Variants in SHB observed in about 807,000 individuals in gnomAD.
SHB encodes SH2 domain-containing adapter protein B.
Under a neutral mutation model 52.3 loss-of-function variants are expected in SHB, and 20 were observed. The observed-to-expected ratio is 0.38, with a 90% CI of 0.27 to 0.56. SHB has a LOEUF of 0.56. Among genes scored for constraint, SHB ranks in the 20% least tolerant of loss-of-function variants. SHB has a pLI of 0.71. For missense variants in SHB, 825 were observed against 723.3 expected, an observed-to-expected ratio of 1.14 and a Z score of -1.61; for synonymous variants, 397 against 316.5, an observed-to-expected ratio of 1.25 and a Z score of -2.70.
At chr9:37,928,979 C>T (rs1832282032) in intron 5 of SHB, among the ~76,000 whole-genome samples, 1 of 152,214 alleles carries the variant, frequency 6.6e-6, no homozygotes, top group Admixed American at 6.5e-5. Context: ...ACTTGGAGCG[C>T]ACAATGGCTT....
intron 4 of SHB, among the ~76,000 whole-genome samples, chr9:37,954,342 A>T (rs1214573360): frequency 6.6e-6 from 1 of 152,200 alleles, no homozygotes; most frequent in African/African-American, 2.4e-5. Flanking sequence ...CCAAGACCAG[A>T]ATCCCCAAGA....
chr9:38,022,040 T>C (rs1564103890), intron 1 of SHB, among the ~76,000 whole-genome samples: 1 of 152,232 alleles, frequency 6.6e-6, no homozygotes, highest in Non-Finnish European at 1.5e-5. Context: ...AAACCGCATA[T>C]GAATGCACTT....
intron 5 of SHB, among the ~76,000 whole-genome samples, chr9:37,944,633 C>T (rs1262466557): frequency 6.6e-6 from 1 of 152,178 alleles, no homozygotes; most frequent in Non-Finnish European, 1.5e-5. Flanking sequence ...AAATGCCTCG[C>T]AGGACCTTGG....
chr9:38,003,743 C>T (rs1258251890), intron 2 of SHB, among the ~76,000 whole-genome samples: 2 of 152,232 alleles, frequency 1.3e-5, no homozygotes, highest in East Asian at 1.9e-4. Context: ...CTGGAGCAGG[C>T]CACTCAGTGG....
intron 2 of SHB, among the ~76,000 whole-genome samples, chr9:38,014,378 C>T (rs1564101995): frequency 6.6e-6 from 1 of 152,260 alleles, no homozygotes; most frequent in African/African-American, 2.4e-5. Flanking sequence ...GGTCCTGGGG[C>T]TTCCACAGAG....
In SHB at chr9:38,041,585, G is replaced by C. The variant is rs370313732; in HGVS notation, c.718-25454C>G. 6.0e-5 allele frequency among the ~76,000 whole-genome samples: 9 copies of C among 151,058 alleles called. No homozygotes were observed. In the East Asian group the frequency reaches 1.4e-3, roughly 23 times the overall value. ...ATAAAACTTCGGTGAGTTCGGGGAA[G>C]AAAAGGGAGGTGGAGAAAACCTCAT... On this transcript the variant is annotated intron_variant, in intron 1 of 5. Coordinates refer to ENST00000377707, the MANE Select transcript of SHB (RefSeq NM_003028.3).
chr9:37,947,480 A>C (rs761564971), intron 5 of SHB, among the ~76,000 whole-genome samples: 1 of 152,198 alleles, frequency 6.6e-6, no homozygotes, highest in Non-Finnish European at 1.5e-5. Context: ...TGAGAGATGC[A>C]TGGTCCCCAC....
At chr9:37,974,029 C>T (rs776023842) in intron 3 of SHB, among the ~76,000 whole-genome samples, 4 of 152,072 alleles carry the variant, frequency 2.6e-5, no homozygotes, top group Non-Finnish European at 5.9e-5. Context: ...CCGAGGTGGG[C>T]GGATCACCTG....
At chr9:37,944,318 T>A (rs1832468378) in intron 5 of SHB, among the ~76,000 whole-genome samples, 1 of 152,018 alleles carries the variant, frequency 6.6e-6, no homozygotes. Context: ...ACCTGTCTGG[T>A]CACCACAGTG....
intron 2 of SHB, among the ~76,000 whole-genome samples, chr9:37,990,901 T>C (rs1446611642): frequency 6.6e-6 from 1 of 152,214 alleles, no homozygotes; most frequent in Non-Finnish European, 1.5e-5. Flanking sequence ...TGTAGAAAAC[T>C]GTGTTTGTAG....
rs368520143 is a variant in SHB, at chr9:37,919,785, C to G, written c.*36G>C. On this transcript the variant is annotated 3_prime_UTR_variant, in exon 6 of 6. Coordinates refer to ENST00000377707, the MANE Select transcript of SHB (RefSeq NM_003028.3). Reference sequence around the variant, plus strand: ...GGGGGCCTCTGGCACCTCCAAGTCTCAGGCTCTGTCACAGAGCAGGGCAGG... The same window carrying G: ...GGGGGCCTCTGGCACCTCCAAGTCTGAGGCTCTGTCACAGAGCAGGGCAGG... 409 of 1,586,116 alleles carry G rather than the reference C, an allele frequency of 2.6e-4. 1 individual carries two copies. Among genetic ancestry groups the G allele is most frequent in the Middle Eastern group, 4.3e-4 (2 of 4,622 alleles).
rs900086095 is a variant in SHB at position 37,917,195 on chromosome 9, G to A, written c.*2626C>T. On this transcript the variant is annotated 3_prime_UTR_variant, in exon 6 of 6. Transcript: ENST00000377707. The stretch of plus-strand genomic sequence containing the variant: ...AACGGTCACAATTAGAGGAAGAAGA[G>A]GGAGAGGTTCATAAAATTAAGGGAA... 1.3e-5 allele frequency among the ~76,000 whole-genome samples: 2 copies of A among 152,206 alleles called. No homozygotes were observed. Among genetic ancestry groups the A allele is most frequent in the Admixed American group, 6.5e-5 (1 of 15,288 alleles).
At chr9:37,993,632 T>C (rs1222208526) in intron 2 of SHB, among the ~76,000 whole-genome samples, 3 of 151,974 alleles carry the variant, frequency 2.0e-5, no homozygotes, top group Admixed American at 2.0e-4. Flanking sequence ...TTTGTGTTAA[T>C]GTAAGTTAAA....
At chr9:37,979,126 A>G (rs1341873753) in intron 2 of SHB, among the ~76,000 whole-genome samples, 1 of 152,194 alleles carries the variant, frequency 6.6e-6, no homozygotes, top group Non-Finnish European at 1.5e-5. Flanking sequence ...GGGTCCAGAG[A>G]CCGATCTCAC....
intron 5 of SHB, among the ~76,000 whole-genome samples, chr9:37,934,143 T>C (rs776023): frequency 0.51 from 77,532 of 152,012 alleles, 20,567 homozygotes; most frequent in Middle Eastern, 0.61. Context: ...TGAGCTTCGG[T>C]TGAACTCCTT....
chr9:38,008,072 CT>C (rs763568482), intron 2 of SHB, among the ~76,000 whole-genome samples: 10 of 152,348 alleles, frequency 6.6e-5, no homozygotes, highest in South Asian at 4.1e-4. Context: ...CTCTGGGCCC[CT>C]GTCCACCTTC....
At chr9:37,935,498 G>C (rs1180659616) in intron 5 of SHB, among the ~76,000 whole-genome samples, 1 of 152,174 alleles carries the variant, frequency 6.6e-6, no homozygotes, top group African/African-American at 2.4e-5. Flanking sequence ...TATGGCCACA[G>C]GTGAGCCCCT....
chr9:37,974,686 G>A lies in SHB; in HGVS notation c.990C>T (p.Asp330=), dbSNP rs376820513. The A allele has an allele frequency of 1.9e-6, 3 of 1,613,962 alleles. No individual in the cohort carries two copies. Among genetic ancestry groups the A allele is most frequent in the Non-Finnish European group, 2.5e-6 (3 of 1,179,980 alleles). ...LRESKLPQDD[D]RPADEYDQPW... Reference sequence around the variant, plus strand: ...GCTGGTCGTACTCATCGGCGGGCCTGTCGTCATCCTGGGGCAGCTTGCTCT... The same window carrying A: ...GCTGGTCGTACTCATCGGCGGGCCTATCGTCATCCTGGGGCAGCTTGCTCT... Residue 330 remains aspartate, a synonymous_variant, in exon 3 of 6, where the codon GAC becomes GAT. Coordinates refer to ENST00000377707, the MANE Select transcript of SHB (RefSeq NM_003028.3).
At chr9:37,956,821 T>G (rs1832640924) in intron 3 of SHB, among the ~76,000 whole-genome samples, 1 of 152,168 alleles carries the variant, frequency 6.6e-6, no homozygotes, top group South Asian at 2.1e-4. Context: ...TGTTTCCTTC[T>G]CTGAAAAACA....
Sources: gnomAD v4.1 joint callset for allele counts (sites outside exome capture counted in the v4.1 genomes callset) on GRCh38, gnomAD v4.1.1 for gene constraint, MANE v1.5 for transcripts, NCBI Gene and HGNC (gene_info 2026-07-23, HGNC 2026-07-21) for gene names.